SLC25A21: variants seen among roughly 807,000 people sequenced by gnomAD.
The protein encoded by SLC25A21 is mitochondrial 2-oxodicarboxylate carrier.
In SLC25A21, 47 loss-of-function variants were observed where a neutral mutation model predicts 43.8. The observed-to-expected ratio is 1.07, with a 90% CI of 0.85 to 1.37. SLC25A21 has a LOEUF of 1.37. Among genes scored for constraint, SLC25A21 ranks in the 40% most tolerant of loss-of-function variants. SLC25A21 has a pLI of 0.00. For synonymous variants in SLC25A21, 131 were observed against 121.3 expected (o/e 1.08, Z -0.52); for missense variants, 352 against 350.2 (o/e 1.00, Z -0.04).
intron 1 of SLC25A21, among the ~76,000 whole-genome samples, chr14:36,901,329 C>T (rs1891393034): frequency 6.6e-6 from 1 of 152,062 alleles, no homozygotes; most frequent in Non-Finnish European, 1.5e-5. Context: ...ACTGATAAGC[C>T]TTCCAAATAG....
chr14:36,709,743 T>C (rs916810082), intron 7 of SLC25A21, among the ~76,000 whole-genome samples: 1 of 152,046 alleles, frequency 6.6e-6, no homozygotes, highest in Non-Finnish European at 1.5e-5. Flanking sequence ...ATATAGGGGA[T>C]AGCTGGGCAA....
intron 1 of SLC25A21, among the ~76,000 whole-genome samples, chr14:37,149,419 T>C (rs181765095): frequency 1.3e-5 from 2 of 152,158 alleles, no homozygotes; most frequent in East Asian, 3.9e-4. Context: ...AAATTAAATG[T>C]TTTCTTAGGG....
chr14:36,956,561 T>A (rs900392431), intron 1 of SLC25A21, among the ~76,000 whole-genome samples: 12 of 152,332 alleles, frequency 7.9e-5, no homozygotes, highest in Middle Eastern at 3.4e-3. Flanking sequence ...ATTTGCTCAT[T>A]CATTCATTCG....
chr14:37,086,701 C>T (rs1240437556), intron 1 of SLC25A21, among the ~76,000 whole-genome samples: 1 of 152,076 alleles, frequency 6.6e-6, no homozygotes, highest in Non-Finnish European at 1.5e-5. Flanking sequence ...AATAATAGTA[C>T]CCACATCAAG....
intron 1 of SLC25A21, among the ~76,000 whole-genome samples, chr14:37,167,505 T>C (rs760441108): frequency 7.3e-5 from 11 of 151,188 alleles, no homozygotes; most frequent in Non-Finnish European, 1.2e-4. Context: ...ACTTCATTTA[T>C]AGTTTACAGT....
intron 3 of SLC25A21, among the ~76,000 whole-genome samples, chr14:36,749,635 G>A (rs747888899): frequency 4.6e-5 from 7 of 152,232 alleles, no homozygotes; most frequent in Non-Finnish European, 1.0e-4. Flanking sequence ...ATCACCTCGT[G>A]CTCTGGTCTG....
At chr14:37,140,244 G>C (rs1370513987) in intron 1 of SLC25A21, among the ~76,000 whole-genome samples, 1 of 152,194 alleles carries the variant, frequency 6.6e-6, no homozygotes. Context: ...TGCCTTGGTA[G>C]ATACAGGATA....
intron 1 of SLC25A21, among the ~76,000 whole-genome samples, chr14:36,917,218 G>C (rs1299998503): frequency 6.6e-6 from 1 of 151,996 alleles, no homozygotes; most frequent in Admixed American, 6.6e-5. Flanking sequence ...ATAGAAGAAA[G>C]AGTTATCAAA....
intron 1 of SLC25A21, among the ~76,000 whole-genome samples, chr14:36,919,269 G>A (rs946269236): frequency 4.6e-5 from 7 of 151,942 alleles, no homozygotes; most frequent in East Asian, 3.8e-4. Flanking sequence ...TTATGAAATC[G>A]TATATTAGGT....
In SLC25A21 at chr14:36,714,410, T is replaced by A. The variant is rs1174216365; in HGVS notation, c.439-2928A>T. On this transcript the variant is annotated intron_variant, in intron 6 of 9. Coordinates refer to ENST00000331299, the MANE Select transcript of SLC25A21 (RefSeq NM_030631.4). ...CCAAATTCAATGCTTGGGGTAGAGA[T>A]CTTGTTCCAGGTACAGTGCCTCACC... Among the ~76,000 whole-genome samples, 5 of 152,208 alleles carry A rather than the reference T, an allele frequency of 3.3e-5. No individual in the cohort carries two copies. In the South Asian group the frequency reaches 6.2e-4, roughly 19 times the overall value.
At chr14:37,151,963 A>C (rs1963766436) in intron 1 of SLC25A21, among the ~76,000 whole-genome samples, 1 of 152,126 alleles carries the variant, frequency 6.6e-6, no homozygotes, top group South Asian at 2.1e-4. Context: ...TGAACCCAGG[A>C]GAAGGGGTTT....
chr14:36,714,102 C>T (rs1884011344), intron 6 of SLC25A21, among the ~76,000 whole-genome samples: 1 of 152,186 alleles, frequency 6.6e-6, no homozygotes, highest in African/African-American at 2.4e-5. Flanking sequence ...ACAACTTAGT[C>T]CATTCTAAGC....
intron 1 of SLC25A21, among the ~76,000 whole-genome samples, chr14:36,931,514 G>A (rs893774594): frequency 6.6e-6 from 1 of 152,146 alleles, no homozygotes; most frequent in African/African-American, 2.4e-5. Flanking sequence ...GGGGTGGTAT[G>A]GAAGGCAGAA....
chr14:36,939,263 G>C (rs944356785), intron 1 of SLC25A21, among the ~76,000 whole-genome samples: 46 of 152,032 alleles, frequency 3.0e-4, no homozygotes, highest in African/African-American at 1.1e-3. Context: ...AGTCGGGTTG[G>C]GGGAGCAGTT....
chr14:36,897,122 C>A (rs1480623340), intron 1 of SLC25A21, among the ~76,000 whole-genome samples: 3 of 152,188 alleles, frequency 2.0e-5, no homozygotes. Flanking sequence ...TGGATTATAT[C>A]CTGCAGAGTG....
chr14:36,897,911 G>C lies in SLC25A21; in HGVS notation c.71-22907C>G, dbSNP rs142033947. Among the ~76,000 whole-genome samples the C allele has an allele frequency of 6.6e-3, 1,001 of 152,322 alleles. 14 individuals carry two copies. The highest frequency in any genetic ancestry group is 0.022 in the African/African-American group (918 of 41,572). On this transcript the variant is annotated intron_variant, in intron 1 of 9. Coordinates refer to ENST00000331299, the MANE Select transcript of SLC25A21 (RefSeq NM_030631.4). ...CCTCTGGAAGTTTTGTCTCAGAGGA[G>C]TACCTGGCCGTGTGAGGTGTCGGTC...
chr14:37,102,266 C>G (rs1476642404), intron 1 of SLC25A21, among the ~76,000 whole-genome samples: 1 of 150,898 alleles, frequency 6.6e-6, no homozygotes, highest in Non-Finnish European at 1.5e-5. Context: ...CATGGTGAAA[C>G]CCCATCTCTA....
chr14:36,928,743 C>A (rs1892203024), intron 1 of SLC25A21, among the ~76,000 whole-genome samples: 1 of 152,106 alleles, frequency 6.6e-6, no homozygotes, highest in Non-Finnish European at 1.5e-5. Flanking sequence ...TCAGTCAGAA[C>A]AAAATCCCTG....
chr14:37,051,299 A>G (rs1961700727), intron 1 of SLC25A21, among the ~76,000 whole-genome samples: 1 of 152,216 alleles, frequency 6.6e-6, no homozygotes, highest in Non-Finnish European at 1.5e-5. Context: ...ATTGTTTGTG[A>G]CAGACTAGGG....
Sources: allele counts gnomAD v4.1 joint callset (sites outside exome capture counted in the v4.1 genomes callset), GRCh38; gene constraint gnomAD v4.1.1; transcripts MANE v1.5; gene names NCBI Gene and HGNC (gene_info 2026-07-23, HGNC 2026-07-21).